OSMR: variants seen among roughly 807,000 people sequenced by gnomAD.
OSMR encodes oncostatin-M-specific receptor subunit beta.
A neutral mutation model predicts 99.9 loss-of-function variants in OSMR; 81 were observed. The observed-to-expected ratio is 0.81, with a 90% CI of 0.68 to 0.97. OSMR has a LOEUF of 0.97. Ranked by LOEUF, OSMR falls within the 50% of genes least tolerant of loss-of-function variation. The probability of loss-of-function intolerance (pLI) is 0.00; values close to 1 mark genes in which losing one functional copy is unlikely to be tolerated. For synonymous variants in OSMR, 406 were observed against 410.4 expected (o/e 0.99, Z 0.13); for missense variants, 1,099 against 1,153.4 (o/e 0.95, Z 0.68).
intron 12 of OSMR, among the ~76,000 whole-genome samples, chr5:38,922,626 G>C (rs566358464): frequency 6.6e-6 from 1 of 152,330 alleles, no homozygotes; most frequent in African/African-American, 2.4e-5. Flanking sequence ...GCCAGTCCCT[G>C]CAGGCTTTGC....
intron 14 of OSMR, 125 bp downstream of exon 14, chr5:38,924,720 TG>T: frequency 1.1e-6 from 1 of 874,314 alleles, no homozygotes; most frequent in Non-Finnish European, 1.9e-6. Context: ...GGCTTTATAC[TG>T]GAAAGGTGTT....
chr5:38,890,032 C>T (rs1457941910), intron 7 of OSMR, among the ~76,000 whole-genome samples: 1 of 152,114 alleles, frequency 6.6e-6, no homozygotes, highest in Non-Finnish European at 1.5e-5. Flanking sequence ...ATTTCTAATC[C>T]ATGAATTAAT....
chr5:38,902,463 T>C (rs1744957018), intron 7 of OSMR, among the ~76,000 whole-genome samples: 1 of 152,224 alleles, frequency 6.6e-6, no homozygotes, highest in Admixed American at 6.5e-5. Context: ...AACCTCCCAA[T>C]GTCATCAGTT....
chr5:38,881,544 A>G, intron 3 of OSMR, 49 bp from the exon 4 acceptor site: 5 of 1,613,920 alleles, frequency 3.1e-6, no homozygotes, highest in Middle Eastern at 1.7e-4. Flanking sequence ...AAGCTATTTT[A>G]TAGGACAAGA....
downstream of OSMR, among the ~76,000 whole-genome samples, chr5:38,936,379 A>C (rs980117265): frequency 1.3e-5 from 2 of 152,160 alleles, no homozygotes; most frequent in Non-Finnish European, 2.9e-5. Flanking sequence ...AAAAAAAATC[A>C]ATCAGGATAT....
At chr5:38,936,632 TATC>T (rs1747057731), downstream of OSMR, among the ~76,000 whole-genome samples, 1 of 152,240 alleles carries the variant, frequency 6.6e-6, no homozygotes, top group Admixed American at 6.5e-5. Flanking sequence ...TACTTAATAA[TATC>T]TTCTTATTAA....
At chr5:38,865,015 C>T (rs1447833768) in intron 1 of OSMR, among the ~76,000 whole-genome samples, 1 of 152,098 alleles carries the variant, frequency 6.6e-6, no homozygotes, top group African/African-American at 2.4e-5. Flanking sequence ...GACCTGTATA[C>T]AAGTTCAGAA....
chr5:38,869,689 T>C (rs10472310), intron 2 of OSMR, among the ~76,000 whole-genome samples: 32,624 of 152,146 alleles, frequency 0.21, 3,601 homozygotes, highest in Admixed American at 0.26. Context: ...CAAGGGAAGA[T>C]ATTTTGAGAT....
chr5:38,855,775 C>T (rs1224464263), intron 1 of OSMR, among the ~76,000 whole-genome samples: 1 of 149,774 alleles, frequency 6.7e-6, no homozygotes, highest in Non-Finnish European at 1.5e-5. Context: ...GTTGTCCCTT[C>T]AATCTCTCAT....
In OSMR at chr5:38,932,609, T is replaced by C. The variant is rs1178556562; in HGVS notation, c.2367+74T>C. 4 of 1,576,660 alleles carry C rather than the reference T, an allele frequency of 2.5e-6. No individual in the cohort carries two copies. In the Admixed American group the frequency reaches 6.8e-5, roughly 27 times the overall value. On this transcript the variant is annotated intron_variant, in intron 17 of 17. Coordinates refer to ENST00000274276, the MANE Select transcript of OSMR (RefSeq NM_003999.3). ...CCCAGAGTGGGGGCTGTCAGAATCCTACTTTCCTAGAGCTCCTCAGGAAAA... is the reference window on the plus strand; with the variant it reads ...CCCAGAGTGGGGGCTGTCAGAATCCCACTTTCCTAGAGCTCCTCAGGAAAA...
intron 7 of OSMR, among the ~76,000 whole-genome samples, chr5:38,902,481 T>C (rs983077436): frequency 2.0e-5 from 3 of 152,182 alleles, no homozygotes; most frequent in African/African-American, 7.2e-5. Context: ...GTTTAATTTT[T>C]CCCCTAAAAG....
chr5:38,944,097 T>A (rs1747908079), intron 1 of OSMR: 1 of 382,422 alleles, frequency 2.6e-6, no homozygotes, highest in South Asian at 2.0e-5. Flanking sequence ...TAATTTATTT[T>A]AAAAATAAAT....
chr5:38,923,889 AG>A (rs1163040239), intron 13 of OSMR, among the ~76,000 whole-genome samples: 1 of 152,180 alleles, frequency 6.6e-6, no homozygotes, highest in African/African-American at 2.4e-5. Context: ...GTGGGAAAAC[AG>A]CCTCAGCAAA....
chr5:38,944,408 GAATA>G (rs749720902), intron 2 of OSMR: 12 of 1,574,672 alleles, frequency 7.6e-6, no homozygotes, highest in Non-Finnish European at 1.0e-5. Flanking sequence ...TTAAAAAACA[GAATA>G]AACAAATAAT....
At chr5:38,943,820 A>T (rs1282682848) in intron 1 of OSMR, among the ~76,000 whole-genome samples, 1 of 152,094 alleles carries the variant, frequency 6.6e-6, no homozygotes, top group African/African-American at 2.4e-5. Context: ...CTCAAAAAAG[A>T]AATACAAAAT....
chr5:38,848,863 TTCTGGGC>T (rs1275817669), intron 1 of OSMR, among the ~76,000 whole-genome samples: 9 of 152,126 alleles, frequency 5.9e-5, no homozygotes. Flanking sequence ...AGCCTCGACC[TTCTGGGC>T]TCAAGTGATC....
At chr5:38,924,697 T>A in intron 14 of OSMR, 102 bp downstream of exon 14, 1 of 1,035,888 alleles carries the variant, frequency 9.7e-7, no homozygotes, top group Non-Finnish European at 1.5e-6. Flanking sequence ...CAGGCTGAAT[T>A]CCCTTCTTGC....
chr5:38,894,347 C>G (rs74570294), intron 7 of OSMR, among the ~76,000 whole-genome samples: 74 of 151,860 alleles, frequency 4.9e-4, no homozygotes, highest in Middle Eastern at 3.4e-3. Context: ...TGTAAACAGT[C>G]TTAACACCCC....
intron 9 of OSMR, 100 bp downstream of exon 9, chr5:38,904,603 T>C: frequency 7.0e-7 from 1 of 1,432,098 alleles, no homozygotes; most frequent in African/African-American, 1.4e-5. Context: ...AAGAGAAAAA[T>C]ATTTAAACAG....
Sources: gnomAD v4.1 joint callset for allele counts (sites outside exome capture counted in the v4.1 genomes callset) on GRCh38, gnomAD v4.1.1 for gene constraint, MANE v1.5 for transcripts, NCBI Gene and HGNC (gene_info 2026-07-23, HGNC 2026-07-21) for gene names.